COL4A5: variants seen among roughly 807,000 people sequenced by gnomAD.
COL4A5 encodes collagen type IV alpha 5 chain, also known as collagen alpha-5(IV) chain.
In COL4A5, 26 loss-of-function variants were observed where a neutral mutation model predicts 130.2. The ratio of observed to expected loss-of-function variants is 0.20; its 90% CI spans 0.15 to 0.28. The LOEUF (loss-of-function observed/expected upper bound fraction) is 0.28, where lower values mean the gene tolerates loss of function less well. COL4A5 is among the 10% of genes least tolerant of loss of function. The pLI is 1.00. For synonymous variants in COL4A5, 496 were observed against 439.6 expected, an observed-to-expected ratio of 1.13 and a Z score of -1.60; for missense variants, 1,131 against 1,344.3, an observed-to-expected ratio of 0.84 and a Z score of 2.48.
At chrX:108,616,920 C>G (rs1450719327) in intron 30 of COL4A5, among the ~76,000 whole-genome samples, 2 of 109,271 alleles carry the variant, frequency 1.8e-5, no homozygotes, top group Admixed American at 9.8e-5. Flanking sequence ...ATAGGATGGG[C>G]AGGAAGAAAA....
At chrX:108,685,934 T>C in intron 47 of COL4A5, 97 bp from the exon 48 acceptor site, 1 of 722,358 alleles carries the variant, frequency 1.4e-6, no homozygotes, top group Non-Finnish European at 2.1e-6. Flanking sequence ...CAAAACCAAA[T>C]TGTGAATTCA....
intron 1 of COL4A5, among the ~76,000 whole-genome samples, chrX:108,494,512 C>T (rs780736323): frequency 6.1e-4 from 68 of 110,970 alleles, no homozygotes; most frequent in Non-Finnish European, 1.1e-3. Flanking sequence ...TATGTCATAC[C>T]ATTTTCTTAG....
chrX:108,466,863 A>G (rs2064711535), intron 1 of COL4A5, among the ~76,000 whole-genome samples: 1 of 110,356 alleles, frequency 9.1e-6, no homozygotes, highest in Non-Finnish European at 1.9e-5. Context: ...TTCCAGCCCT[A>G]TTTTCAAGTT....
intron 19 of COL4A5, 96 bp downstream of exon 19, chrX:108,586,843 A>T: frequency 1.1e-6 from 1 of 919,347 alleles, no homozygotes. Context: ...GCATGGAAGT[A>T]GGAGACACAA....
intron 1 of COL4A5, among the ~76,000 whole-genome samples, chrX:108,460,087 A>C (rs967803632): frequency 1.8e-5 from 2 of 111,856 alleles, no homozygotes; most frequent in Admixed American, 9.5e-5. Context: ...ACGTGGCCTT[A>C]CACATTTTGA....
chrX:108,618,028 G>A (rs1335136085), intron 30 of COL4A5, among the ~76,000 whole-genome samples: 1 of 111,721 alleles, frequency 9.0e-6, no homozygotes, highest in African/African-American at 3.2e-5. Context: ...AAGTTCTCAC[G>A]AATAATACAT....
intron 36 of COL4A5, among the ~76,000 whole-genome samples, chrX:108,633,305 T>C: frequency 9.0e-6 from 1 of 111,502 alleles, no homozygotes; most frequent in Non-Finnish European, 1.9e-5. Context: ...CCTGAGATTA[T>C]AAAAATAGAT....
At chrX:108,518,597 A>G (rs912130946) in intron 1 of COL4A5, among the ~76,000 whole-genome samples, 1 of 110,833 alleles carries the variant, frequency 9.0e-6, no homozygotes, top group African/African-American at 3.3e-5. Context: ...TAACTCTCAC[A>G]TTAGGGGGAA....
intron 25 of COL4A5, among the ~76,000 whole-genome samples, chrX:108,600,206 G>GGAGT (rs2066602514): frequency 9.0e-6 from 1 of 111,581 alleles, no homozygotes; most frequent in African/African-American, 3.3e-5. Flanking sequence ...TTGATTTAGA[G>GGAGT]GAGTTCTTTA....
chrX:108,611,339 G>GT (rs2147842835), intron 29 of COL4A5, among the ~76,000 whole-genome samples: 1 of 111,122 alleles, frequency 9.0e-6, no homozygotes, highest in Admixed American at 9.6e-5. Context: ...CTTATCTAAG[G>GT]TACCTGGAGA....
At chrX:108,567,132 T>A (rs945472142) in intron 4 of COL4A5, among the ~76,000 whole-genome samples, 7 of 111,744 alleles carry the variant, frequency 6.3e-5, no homozygotes, top group Non-Finnish European at 1.1e-4. Flanking sequence ...GATGATAGGA[T>A]AATAGGATTC....
chrX:108,507,099 G>A (rs2065131635), intron 1 of COL4A5, among the ~76,000 whole-genome samples: 1 of 109,181 alleles, frequency 9.2e-6, no homozygotes, highest in Admixed American at 9.8e-5. Flanking sequence ...ATTCACAGCC[G>A]AATTCTACCA....
chrX:108,509,255 A>G (rs754204768), intron 1 of COL4A5, among the ~76,000 whole-genome samples: 2 of 111,746 alleles, frequency 1.8e-5, no homozygotes, highest in East Asian at 5.6e-4. Flanking sequence ...ATAGAGTGGA[A>G]CAACACACAA....
intron 42 of COL4A5, among the ~76,000 whole-genome samples, chrX:108,673,070 A>G (rs2068236184): frequency 8.9e-6 from 1 of 112,034 alleles, no homozygotes; most frequent in African/African-American, 3.3e-5. Context: ...TTTACATCAT[A>G]TAATGTACTT....
intron 1 of COL4A5, among the ~76,000 whole-genome samples, chrX:108,456,738 C>A (rs2064588141): frequency 9.0e-6 from 1 of 111,460 alleles, no homozygotes; most frequent in Admixed American, 9.5e-5. Flanking sequence ...TGCTGAAAAT[C>A]TTTTTTAAAG....
chrX:108,642,250 C>G (rs765932930), intron 36 of COL4A5, among the ~76,000 whole-genome samples: 3 of 110,615 alleles, frequency 2.7e-5, no homozygotes, highest in Non-Finnish European at 5.7e-5. Flanking sequence ...CAAGGAGGGT[C>G]TGAGCTCAGA....
intron 30 of COL4A5, among the ~76,000 whole-genome samples, chrX:108,620,031 T>C (rs973016559): frequency 8.9e-6 from 1 of 112,393 alleles, no homozygotes; most frequent in Non-Finnish European, 1.9e-5. Context: ...AAGAAAAGAT[T>C]GGCCTTTTGC....
At chrX:108,531,187 C>T (rs1227448481) in intron 1 of COL4A5, among the ~76,000 whole-genome samples, 5 of 75,203 alleles carry the variant, frequency 6.6e-5, no homozygotes, top group African/African-American at 2.6e-4. Flanking sequence ...GGAAGGGGAA[C>T]ATCACACTCT....
intron 36 of COL4A5, among the ~76,000 whole-genome samples, chrX:108,644,900 CA>C (rs1354946016): frequency 1.3e-5 from 1 of 78,502 alleles, no homozygotes; most frequent in Non-Finnish European, 2.3e-5. Flanking sequence ...ACTCCGTCTC[CA>C]AACAACAACA....
Sources: gnomAD v4.1 joint callset for allele counts (sites outside exome capture counted in the v4.1 genomes callset) on GRCh38, gnomAD v4.1.1 for gene constraint, MANE v1.5 for transcripts, NCBI Gene and HGNC (gene_info 2026-07-23, HGNC 2026-07-21) for gene names.